Variants in TPSG1 observed in about 807,000 individuals in gnomAD.
TPSG1 encodes the protein tryptase gamma.
A neutral mutation model predicts 23.8 loss-of-function variants in TPSG1; 43 were observed. That is an observed-to-expected ratio of 1.81 (90% CI 1.42 to 2.33). TPSG1 has a LOEUF of 2.33. Ranked by LOEUF, TPSG1 falls within the 30% of genes most tolerant of loss-of-function variation. TPSG1 has a pLI of 0.00. For synonymous variants in TPSG1, 302 were observed against 201.3 expected, an observed-to-expected ratio of 1.50 and a Z score of -4.23; for missense variants, 623 against 438.6, an observed-to-expected ratio of 1.42 and a Z score of -3.75.
At chr16:1,223,009 G>GT in intron 3 of TPSG1, 92 bp from the exon 4 acceptor site, 1 of 1,408,218 alleles carries the variant, frequency 7.1e-7, no homozygotes, top group Non-Finnish European at 9.5e-7. Context: ...GCAGGCATCC[G>GT]AAGCCCAGCT....
At chr16:1,222,549 G>A in intron 4 of TPSG1, 103 bp downstream of exon 4, 2 of 1,474,102 alleles carry the variant, frequency 1.4e-6, no homozygotes, top group Non-Finnish European at 1.8e-6. Context: ...GCTGGGTGTG[G>A]AAGCCACCAG....
At position 1,223,422 on chromosome 16, in the gene TPSG1, C is replaced by A. The variant is rs1169605560; in HGVS notation, c.245+1G>T. 3 of 1,581,018 alleles carry A rather than the reference C, an allele frequency of 1.9e-6. No homozygotes were observed. Among genetic ancestry groups the A allele is most frequent in the Non-Finnish European group, 2.6e-6 (3 of 1,165,956 alleles). ...CTGCCCCTGCCCACCCGGACACTCACCCGGAGAAGCAGTGGGCAGCTGTGA... is the reference window on the plus strand; with the variant it reads ...CTGCCCCTGCCCACCCGGACACTCAACCGGAGAAGCAGTGGGCAGCTGTGA... On this transcript the variant is annotated splice_donor_variant, in intron 3 of 5. Coordinates refer to ENST00000234798, the MANE Select transcript of TPSG1 (RefSeq NM_012467.4). LOFTEE classifies it high-confidence loss of function.
At position 1,222,981 on chromosome 16, in the gene TPSG1, C is replaced by T. The variant is rs1016880168; in HGVS notation, c.246-64G>A. On this transcript the variant is annotated intron_variant, in intron 3 of 5. Transcript: ENST00000234798. ...GGAGGCTGGAGGTCAGTGTCGGCCC[C>T]GCCCAGACCCTACCCTTGCAGGCAT... The T allele has an allele frequency of 1.6e-4, 240 of 1,499,744 alleles. 2 individuals are homozygous for T. Among genetic ancestry groups the T allele is most frequent in the Admixed American group, 2.3e-4 (11 of 48,608 alleles). 92.9% of individuals were successfully genotyped at this position (1,499,744 alleles called of 1,614,324 possible).
chr16:1,224,523 G>A lies in TPSG1; in HGVS notation c.73+79C>T, dbSNP rs113589938. On this transcript the variant is annotated intron_variant, in intron 2 of 5. Coordinates refer to ENST00000234798, the MANE Select transcript of TPSG1 (RefSeq NM_012467.4). ...CCCGGGCCCCCATTGGGACCCCAGGGAAGGAGAGGGTCACCGAGGCCCTCC... is the reference window on the plus strand; with the variant it reads ...CCCGGGCCCCCATTGGGACCCCAGGAAAGGAGAGGGTCACCGAGGCCCTCC... The A allele has an allele frequency of 1.5e-3, 2,354 of 1,586,926 alleles. 30 individuals are homozygous for A. The African/African-American group carries it at 0.028, about 19-fold the overall frequency.
intron 4 of TPSG1, 94 bp downstream of exon 4, chr16:1,222,558 A>C: frequency 6.7e-7 from 1 of 1,481,574 alleles, no homozygotes; most frequent in Non-Finnish European, 9.0e-7. Flanking sequence ...GGAAGCCACC[A>C]GGAGCAGGTG....
At chr16:1,222,427 C>T in intron 4 of TPSG1, 86 bp from the exon 5 acceptor site, 2 of 1,316,706 alleles carry the variant, frequency 1.5e-6, no homozygotes, top group Non-Finnish European at 2.1e-6. Flanking sequence ...GACACAAGTC[C>T]CATGCCACCA....
At position 1,221,935 on chromosome 16, in the gene TPSG1, C is replaced by A. The variant is rs747063613; in HGVS notation, c.819G>T (p.Gly273=). 1 of 1,611,878 alleles carries A rather than the reference C, an allele frequency of 6.2e-7. No individual in the cohort carries two copies. Among genetic ancestry groups the A allele is most frequent in the Non-Finnish European group, 8.5e-7 (1 of 1,179,348 alleles). The change falls in exon 6 of 6, where the codon GGG becomes GGT. Residue 273 remains glycine (G), a synonymous_variant. Coordinates refer to ENST00000234798, the MANE Select transcript of TPSG1 (RefSeq NM_012467.4). ...NWIRRHITAS[G]GSESGYPRLP... is the part of the protein sequence containing the mutation. ...GCCTGGGGTACCCAGACTCTGAGCCCCCTGATGCTGTGATGTGGCGGCGGA... is the reference window on the plus strand; with the variant it reads ...GCCTGGGGTACCCAGACTCTGAGCCACCTGATGCTGTGATGTGGCGGCGGA...
At position 1,224,635 on chromosome 16, in the gene TPSG1, G is replaced by A. The variant is rs2030050400; in HGVS notation, c.47-7C>T. On this transcript the variant is annotated splice_polypyrimidine_tract_variant and splice_region_variant and intron_variant, in intron 1 of 5. Transcript: ENST00000234798. ...AAAGTCCTGAGGGACACACCTGTGGGAAAGACGAAGGGCCCAGGATGGAGG... is the reference window on the plus strand; with the variant it reads ...AAAGTCCTGAGGGACACACCTGTGGAAAAGACGAAGGGCCCAGGATGGAGG... The A allele has an allele frequency of 6.2e-7, 1 of 1,613,690 alleles. No individual in the cohort carries two copies. The highest frequency in any genetic ancestry group is 8.5e-7 in the Non-Finnish European group (1 of 1,179,880).
chr16:1,222,584 C>T, intron 4 of TPSG1, 68 bp downstream of exon 4: 1 of 1,510,778 alleles, frequency 6.6e-7, no homozygotes, highest in Non-Finnish European at 8.9e-7. Flanking sequence ...ATCAGCATCC[C>T]TCAAGCCAGC....
chr16:1,224,255 C>T (rs2030025549), intron 2 of TPSG1: 2 of 285,656 alleles, frequency 7.0e-6, no homozygotes, highest in South Asian at 9.4e-5. Flanking sequence ...AGATAGGCAG[C>T]GGGTGTGGGG....
Position 1,222,633 on chromosome 16 carries a change from C to T in TPSG1, c.511+19G>A. The T allele has an allele frequency of 1.3e-6, 2 of 1,528,356 alleles. No homozygotes were observed. Among genetic ancestry groups the T allele is most frequent in the Non-Finnish European group, 1.8e-6 (2 of 1,134,518 alleles). 94.7% of individuals were successfully genotyped at this position (1,528,356 alleles called of 1,614,324 possible). ...CCCTTGCCTTCCTCCATCCCAGCAT[C>T]CCCACGGGGGCTCCTCACCTCCCTC... On this transcript the variant is annotated intron_variant, in intron 4 of 5. Coordinates refer to ENST00000234798, the MANE Select transcript of TPSG1 (RefSeq NM_012467.4).
At chr16:1,223,003 G>T in intron 3 of TPSG1, 86 bp from the exon 4 acceptor site, 3 of 1,424,450 alleles carry the variant, frequency 2.1e-6, no homozygotes, top group Non-Finnish European at 2.8e-6. Flanking sequence ...ACCCTTGCAG[G>T]CATCCGAAGC....
rs949766411 is a variant in TPSG1 at position 1,221,681 on chromosome 16, A to T, written c.*107T>A. 6.9e-6 allele frequency: 8 copies of T among 1,159,494 alleles called. No individual in the cohort carries two copies. Among genetic ancestry groups the T allele is most frequent in the Non-Finnish European group, 9.6e-6 (8 of 836,312 alleles). 71.8% of individuals were successfully genotyped at this position (1,159,494 alleles called of 1,614,324 possible). ...TTCGTGTGCTTTTAAATTCAGGTTAAATGTTGCAATAATCTGATGCAGAAG... is the reference window on the plus strand; with the variant it reads ...TTCGTGTGCTTTTAAATTCAGGTTATATGTTGCAATAATCTGATGCAGAAG... On this transcript the variant is annotated 3_prime_UTR_variant, in exon 6 of 6. Transcript: ENST00000234798.
rs1317396227 is a variant in TPSG1 at position 1,221,688 on chromosome 16, CAAT to C, written c.*97_*99del. 3.3e-6 allele frequency: 4 copies of C among 1,210,000 alleles called. No individual in the cohort carries two copies. The highest frequency in any genetic ancestry group is 2.9e-5 in the Admixed American group (1 of 34,610). The allele number at this position is 1,210,000 out of a possible 1,614,324, so 75.0% of individuals were successfully genotyped here. A position where few individuals can be genotyped will look rare whatever the true frequency, so the allele number is the denominator to read the frequency against. On this transcript the variant is annotated 3_prime_UTR_variant, in exon 6 of 6. Coordinates refer to ENST00000234798, the MANE Select transcript of TPSG1 (RefSeq NM_012467.4). ...GCTTTTAAATTCAGGTTAAATGTTGCAATAATCTGATGCAGAAGACTCAGCTTC... is the reference window on the plus strand; with the variant it reads ...GCTTTTAAATTCAGGTTAAATGTTGCAATCTGATGCAGAAGACTCAGCTTC...
chr16:1,223,707 C>G, intron 2 of TPSG1, 113 bp from the exon 3 acceptor site: 1 of 1,289,318 alleles, frequency 7.8e-7, no homozygotes, highest in Non-Finnish European at 1.0e-6. Flanking sequence ...CTTTGCTCTT[C>G]AGCTCTCTCG....
Position 1,223,842 on chromosome 16 carries a change from C to T in TPSG1, c.74-248G>A, listed in dbSNP as rs142377730. ...TGCTCCACAAACTAACCAGGGCTCC[C>T]GGAGGCGGTGGAAAGGCTGCAGAGG... On this transcript the variant is annotated intron_variant, in intron 2 of 5. Transcript: ENST00000234798. 1.7e-3 allele frequency: 902 copies of T among 522,616 alleles called. 8 individuals are homozygous for T. Among genetic ancestry groups the T allele is most frequent in the African/African-American group, 0.016 (793 of 49,240 alleles). The allele number at this position is 522,616 out of a possible 1,614,324, so 32.4% of individuals were successfully genotyped here.
At chr16:1,222,409 C>T in intron 4 of TPSG1, 68 bp from the exon 5 acceptor site, 1 of 1,395,838 alleles carries the variant, frequency 7.2e-7, no homozygotes, top group East Asian at 2.3e-5. Flanking sequence ...GGATGGGAGA[C>T]CTTGCCAGAC....
chr16:1,224,069 CTT>C (rs1206627626), intron 2 of TPSG1: 2 of 196,544 alleles, frequency 1.0e-5, no homozygotes, highest in Admixed American at 1.2e-4. Flanking sequence ...GATAATGTAA[CTT>C]TATCTTCTGT....
chr16:1,224,184 G>C (rs2030021062), intron 2 of TPSG1: 3 of 206,934 alleles, frequency 1.4e-5, no homozygotes, highest in Non-Finnish European at 1.9e-5. Flanking sequence ...GCTGGTGATG[G>C]AGTGTGGCCA....
Sources: gnomAD v4.1 joint callset for allele counts on GRCh38, gnomAD v4.1.1 for gene constraint, MANE v1.5 for transcripts, NCBI Gene and HGNC (gene_info 2026-07-23, HGNC 2026-07-21) for gene names.